The following GAK variants were observed in gnomAD, a reference collection of about 807,000 sequenced individuals.
GAK encodes the protein cyclin-G-associated kinase.
GAK carries 79 observed loss-of-function variants against 143.9 expected under a neutral mutation model. The ratio of observed to expected loss-of-function variants is 0.55; its 90% CI spans 0.46 to 0.66. GAK has a LOEUF of 0.66. Among genes scored for constraint, GAK ranks in the 30% least tolerant of loss-of-function variants. GAK has a pLI of 0.00. For synonymous variants in GAK, 881 were observed against 765.5 expected (o/e 1.15, Z -2.49); for missense variants, 1,693 against 1,779.7 (o/e 0.95, Z 0.88).
Position 912,800 on chromosome 4 carries a change from TC to T in GAK, c.208-7del. On this transcript the variant is annotated splice_polypyrimidine_tract_variant and splice_region_variant and intron_variant, in intron 2 of 27. Coordinates refer to ENST00000314167, the MANE Select transcript of GAK (RefSeq NM_005255.4). ...TCTTCATTGGATAATAGCCTCTGTA[TC>T]AGGAAACAGCACACACAAAAGATGA... 6.2e-7 allele frequency: 1 copy of T among 1,612,224 alleles called. No individual in the cohort carries two copies. The highest frequency in any genetic ancestry group is 8.5e-7 in the Non-Finnish European group (1 of 1,178,870).
intron 18 of GAK, among the ~76,000 whole-genome samples, chr4:875,486 C>G (rs577636415): frequency 1.3e-5 from 2 of 152,242 alleles, no homozygotes; most frequent in Non-Finnish European, 1.5e-5. Context: ...GTGCAGAGTC[C>G]GCCAGCATCC....
intron 2 of GAK, 58 bp downstream of exon 2, chr4:913,549 C>T (rs1722406054): frequency 6.2e-6 from 8 of 1,299,018 alleles, no homozygotes; most frequent in Non-Finnish European, 9.0e-6. Context: ...AAGACTGTCA[C>T]CAGACAGTCC....
intron 11 of GAK, chr4:888,021 A>G (rs1716876860): frequency 6.6e-6 from 1 of 152,322 alleles, no homozygotes; most frequent in African/African-American, 2.4e-5. Context: ...ATGCAGGCAC[A>G]AGTGCACACA....
intron 27 of GAK, 45 bp from the exon 28 acceptor site, chr4:849,819 G>C (rs763450615): frequency 6.6e-7 from 1 of 1,518,244 alleles, no homozygotes; most frequent in South Asian, 1.2e-5. Context: ...AGCATGCGGG[G>C]GCGGGCGGGG....
intron 9 of GAK, among the ~76,000 whole-genome samples, chr4:891,636 C>T (rs1320916984): frequency 6.6e-6 from 1 of 152,130 alleles, no homozygotes; most frequent in African/African-American, 2.4e-5. Flanking sequence ...TGATTCTGCC[C>T]ATCTGCCCAG....
At chr4:907,613 G>T (rs1438271388) in intron 4 of GAK, among the ~76,000 whole-genome samples, 2 of 152,238 alleles carry the variant, frequency 1.3e-5, no homozygotes, top group Admixed American at 1.3e-4. Flanking sequence ...GCTGAGTGGG[G>T]AACCGGTATG....
At chr4:870,960 T>G in intron 18 of GAK, 56 bp from the exon 19 acceptor site, 1 of 1,448,770 alleles carries the variant, frequency 6.9e-7, no homozygotes, top group Admixed American at 2.2e-5. Context: ...CTGTAAGTCC[T>G]TGGACATTCA....
intron 10 of GAK, 27 bp from the exon 11 acceptor site, chr4:888,997 C>T (rs1167605660): frequency 1.2e-6 from 2 of 1,600,602 alleles, no homozygotes; most frequent in Non-Finnish European, 1.7e-6. Context: ...TCTCAGCAGG[C>T]CCCAGGTGCT....
At position 850,927 on chromosome 4, in the gene GAK, C is replaced by T; in HGVS notation, c.3657+9G>A. 6.2e-7 allele frequency: 1 copy of T among 1,610,416 alleles called. No homozygotes were observed. The highest frequency in any genetic ancestry group is 1.1e-5 in the South Asian group (1 of 90,896). On this transcript the variant is annotated intron_variant, in intron 26 of 27. Transcript: ENST00000314167. ...CTGGGCTCCCAGGAAGAGCTGCCCA[C>T]CCACCCACCTTCAGCTTGAGTGGGT...
rs1577071614 is a variant in GAK, at chr4:864,988, C to T, written c.3166+134G>A. The T allele has an allele frequency of 8.3e-5, 103 of 1,248,290 alleles. 2 individuals carry two copies. The South Asian group carries it at 1.5e-3, about 18-fold the overall frequency. The allele number at this position is 1,248,290 out of a possible 1,614,324, so 77.3% of individuals were successfully genotyped here. ...ACCACAGCCTTGTGTGCGGAGCCCG[C>T]ACCACCAAGCACGCCCCAGCCCTTC... is the stretch of plus-strand genomic sequence containing the variant. On this transcript the variant is annotated intron_variant, in intron 23 of 27. Transcript: ENST00000314167.
At chr4:919,235 G>A (rs1283455269) in intron 1 of GAK, among the ~76,000 whole-genome samples, 6 of 146,950 alleles carry the variant, frequency 4.1e-5, no homozygotes, top group Admixed American at 6.7e-5. Flanking sequence ...AGGCCTCAGC[G>A]CCCCATGACC....
At chr4:876,499 TC>T in intron 18 of GAK, 30 bp downstream of exon 18, 1 of 1,598,338 alleles carries the variant, frequency 6.3e-7, no homozygotes, top group South Asian at 1.1e-5. Flanking sequence ...CACCTGTCCC[TC>T]CCCACCGAGC....
intron 11 of GAK, chr4:887,259 TCA>T (rs1405991046): frequency 2.1e-5 from 3 of 143,748 alleles, no homozygotes; most frequent in South Asian, 2.2e-4. Flanking sequence ...TGCACGCGGC[TCA>T]CGCGCACTCA....
At chr4:884,927 C>T (rs180795912) in intron 11 of GAK, among the ~76,000 whole-genome samples, 69 of 152,212 alleles carry the variant, frequency 4.5e-4, no homozygotes, top group Non-Finnish European at 5.0e-4. Context: ...CAAATACACA[C>T]GACCGAACCA....
chr4:892,273 G>A (rs3775127), intron 9 of GAK, among the ~76,000 whole-genome samples: 20,518 of 152,166 alleles, frequency 0.13, 1,774 homozygotes, highest in Middle Eastern at 0.31. Context: ...GGGCTGAAAA[G>A]GGGACAAAAT....
chr4:870,082 ACAC>A (rs753405695), intron 19 of GAK: 2 of 154,472 alleles, frequency 1.3e-5, no homozygotes, highest in Non-Finnish European at 2.9e-5. Context: ...ATGAATGCAC[ACAC>A]CACTCGTGCA....
At chr4:896,985 G>A (rs1214977459) in intron 6 of GAK, among the ~76,000 whole-genome samples, 3 of 152,244 alleles carry the variant, frequency 2.0e-5, no homozygotes, top group Non-Finnish European at 4.4e-5. Context: ...GTCCACCCAA[G>A]CTCACCCGAC....
At chr4:931,921 C>T (rs977980995) in intron 1 of GAK, 122 bp downstream of exon 1, 3 of 744,496 alleles carry the variant, frequency 4.0e-6, no homozygotes, top group African/African-American at 1.8e-5. Flanking sequence ...CCCTGACCCA[C>T]GATCCCGCTG....
At chr4:870,086 C>A in intron 19 of GAK, 1 of 154,298 alleles carries the variant, frequency 6.5e-6, no homozygotes, top group Non-Finnish European at 1.4e-5. Context: ...ATGCACACAC[C>A]ACTCGTGCAC....
Sources: allele counts gnomAD v4.1 joint callset (sites outside exome capture counted in the v4.1 genomes callset), GRCh38; gene constraint gnomAD v4.1.1; transcripts MANE v1.5; gene names NCBI Gene and HGNC (gene_info 2026-07-23, HGNC 2026-07-21).